NECAB1: variants seen among roughly 807,000 people sequenced by gnomAD.
NECAB1 encodes the protein N-terminal EF-hand calcium-binding protein 1.
Under a neutral mutation model 57.5 loss-of-function variants are expected in NECAB1, and 29 were observed. That is an observed-to-expected ratio of 0.50 (90% CI 0.38 to 0.69). The LOEUF (loss-of-function observed/expected upper bound fraction) is 0.69, where lower values mean the gene tolerates loss of function less well. NECAB1 is among the 30% of genes least tolerant of loss of function. NECAB1 has a pLI of 0.00. For synonymous variants in NECAB1, 142 were observed against 147.7 expected (o/e 0.96, Z 0.28); for missense variants, 372 against 413.8 (o/e 0.90, Z 0.88).
chr8:90,935,457 C>T (rs919664080), intron 9 of NECAB1, among the ~76,000 whole-genome samples: 1 of 152,060 alleles, frequency 6.6e-6, no homozygotes, highest in African/African-American at 2.4e-5. Context: ...TTCCTCAAGA[C>T]CCCAACATTT....
chr8:90,881,480 A>G (rs1563515492), intron 5 of NECAB1, among the ~76,000 whole-genome samples: 1 of 152,150 alleles, frequency 6.6e-6, no homozygotes, highest in Non-Finnish European at 1.5e-5. Context: ...GTGGGAGATG[A>G]TTGGATCATG....
chr8:90,942,312 G>A (rs997098429), intron 10 of NECAB1, among the ~76,000 whole-genome samples: 5 of 152,152 alleles, frequency 3.3e-5, no homozygotes, highest in Non-Finnish European at 7.3e-5. Context: ...GTTTACTACT[G>A]TTTCCTGGTT....
chr8:90,906,887 A>ATATGTATATATATATATATGTATGTATG lies in NECAB1; in HGVS notation c.358-10602_358-10601insGTATATATATATATATGTATGTATGTAT, dbSNP rs1554574066. Among the ~76,000 whole-genome samples the ATATGTATATATATATATATGTATGTATG allele has an allele frequency of 7.4e-5, 9 of 121,660 alleles. No individual in the cohort carries two copies. The South Asian group carries it at 2.0e-3, about 27-fold the overall frequency. The allele number at this position is 121,660 out of a possible 152,430, so 79.8% of individuals were successfully genotyped here. On this transcript the variant is annotated intron_variant, in intron 5 of 12. Transcript: ENST00000417640. The stretch of plus-strand genomic sequence containing the variant: ...ACATATGATATACACATATATATAT[A>ATATGTATATATATATATATGTATGTATG]TATATATATATATATATATATATCT...
In NECAB1 at chr8:90,930,361, C is replaced by T. The variant is rs186994645; in HGVS notation, c.693+2062C>T. Among the ~76,000 whole-genome samples, 534 of 152,134 alleles carry T rather than the reference C, an allele frequency of 3.5e-3. 1 individual carries two copies. Among genetic ancestry groups the T allele is most frequent in the Middle Eastern group, 6.8e-3 (2 of 294 alleles). On this transcript the variant is annotated intron_variant, in intron 8 of 12. Coordinates refer to ENST00000417640, the MANE Select transcript of NECAB1 (RefSeq NM_022351.5). ...TGTGTTTCTGAAACAATTAATTGTACCATTAACAGAAAAGGAAGAGACACA... is the reference window on the plus strand; with the variant it reads ...TGTGTTTCTGAAACAATTAATTGTATCATTAACAGAAAAGGAAGAGACACA...
intron 2 of NECAB1, among the ~76,000 whole-genome samples, chr8:90,820,100 GGCTACAGTA>G (rs1286563998): frequency 1.3e-5 from 2 of 151,862 alleles, no homozygotes; most frequent in African/African-American, 4.8e-5. Flanking sequence ...CTCAGTTTAT[GGCTACAGTA>G]GCTTCTGTTC....
At chr8:90,921,329 T>C (rs1316918411) in intron 6 of NECAB1, among the ~76,000 whole-genome samples, 1 of 152,132 alleles carries the variant, frequency 6.6e-6, no homozygotes, top group Non-Finnish European at 1.5e-5. Context: ...CATCAGTTTT[T>C]TTATGTTGTA....
At chr8:90,872,031 A>G in intron 3 of NECAB1, 97 bp from the exon 4 acceptor site, 1 of 898,290 alleles carries the variant, frequency 1.1e-6, no homozygotes, top group East Asian at 2.7e-5. Context: ...TCAATTAATA[A>G]TATAGCTTGG....
chr8:90,940,983 G>A (rs1424446187), intron 10 of NECAB1, 85 bp downstream of exon 10: 3 of 980,412 alleles, frequency 3.1e-6, no homozygotes, highest in Non-Finnish European at 4.7e-6. Flanking sequence ...AAGGCTGGGG[G>A]TCTAGAAGAC....
At chr8:90,835,565 A>G (rs987601594) in intron 3 of NECAB1, among the ~76,000 whole-genome samples, 1 of 152,106 alleles carries the variant, frequency 6.6e-6, no homozygotes, top group Non-Finnish European at 1.5e-5. Flanking sequence ...AATAATTATT[A>G]TTATTAAGAT....
At chr8:90,840,168 T>C (rs1812432127) in intron 3 of NECAB1, among the ~76,000 whole-genome samples, 1 of 152,238 alleles carries the variant, frequency 6.6e-6, no homozygotes, top group Admixed American at 6.5e-5. Context: ...AGAATTGACT[T>C]CACGGATTGA....
chr8:90,899,867 T>C (rs963935393), intron 5 of NECAB1, among the ~76,000 whole-genome samples: 2 of 152,126 alleles, frequency 1.3e-5, no homozygotes, highest in African/African-American at 4.8e-5. Context: ...TGAAACAGAA[T>C]AGTTCTGAAA....
chr8:90,889,960 A>AGTGTGTGTGT (rs35492530), intron 5 of NECAB1, among the ~76,000 whole-genome samples: 1 of 151,168 alleles, frequency 6.6e-6, no homozygotes, highest in Non-Finnish European at 1.5e-5. Flanking sequence ...TGTGTGTGTG[A>AGTGTGTGTGT]GTGTGTGTGT....
chr8:90,873,294 T>C (rs975084660), intron 4 of NECAB1, among the ~76,000 whole-genome samples: 3 of 152,220 alleles, frequency 2.0e-5, no homozygotes, highest in African/African-American at 4.8e-5. Context: ...AAGCAGGACA[T>C]GCTTTTGTTA....
In NECAB1 at chr8:90,847,178, A is replaced by G. The variant is rs144807133; in HGVS notation, c.233+22353A>G. Among the ~76,000 whole-genome samples, 1,235 of 152,340 alleles carry G rather than the reference A, an allele frequency of 8.1e-3. 5 individuals are homozygous for G. Among genetic ancestry groups the G allele is most frequent in the Non-Finnish European group, 0.014 (931 of 68,030 alleles). On this transcript the variant is annotated intron_variant, in intron 3 of 12. Coordinates refer to ENST00000417640, the MANE Select transcript of NECAB1 (RefSeq NM_022351.5). ...GGGGGTACAGGCATTGGGTAAGTAT[A>G]CCCATTTCAAATGGGAGAAATTGGC...
At chr8:90,880,310 C>T (rs1221725573) in intron 4 of NECAB1, among the ~76,000 whole-genome samples, 1 of 152,006 alleles carries the variant, frequency 6.6e-6, no homozygotes, top group African/African-American at 2.4e-5. Flanking sequence ...CCTAGATCTT[C>T]TCAATATATA....
intron 3 of NECAB1, among the ~76,000 whole-genome samples, chr8:90,841,692 A>T (rs543328194): frequency 1.3e-5 from 2 of 152,326 alleles, no homozygotes; most frequent in South Asian, 4.1e-4. Context: ...TTTCAGGGAC[A>T]ACAAGGAAAG....
chr8:90,937,015 C>T (rs554188690), intron 9 of NECAB1, among the ~76,000 whole-genome samples: 46 of 152,106 alleles, frequency 3.0e-4, no homozygotes, highest in African/African-American at 9.6e-4. Context: ...TAATTCTTTT[C>T]AATTTATATG....
intron 3 of NECAB1, among the ~76,000 whole-genome samples, chr8:90,826,622 A>G (rs1419993119): frequency 6.6e-6 from 1 of 151,896 alleles, no homozygotes; most frequent in Non-Finnish European, 1.5e-5. Flanking sequence ...TGAAGTTTAA[A>G]CAACATTTGG....
intron 5 of NECAB1, among the ~76,000 whole-genome samples, chr8:90,881,766 T>C (rs1808844222): frequency 6.6e-6 from 1 of 152,206 alleles, no homozygotes; most frequent in South Asian, 2.1e-4. Context: ...TATTTCTTTA[T>C]AGCAATGAGG....
Sources: gnomAD v4.1 joint callset for allele counts (sites outside exome capture counted in the v4.1 genomes callset) on GRCh38, gnomAD v4.1.1 for gene constraint, MANE v1.5 for transcripts, NCBI Gene and HGNC (gene_info 2026-07-23, HGNC 2026-07-21) for gene names.